The following MNAT1 variants were observed in gnomAD, a reference collection of about 807,000 sequenced individuals.
MNAT1 encodes the protein CDK-activating kinase assembly factor MAT1.
A neutral mutation model predicts 42.0 loss-of-function variants in MNAT1; 43 were observed. The ratio of observed to expected loss-of-function variants is 1.02; its 90% CI spans 0.80 to 1.32. The LOEUF (loss-of-function observed/expected upper bound fraction) is 1.32. MNAT1 is among the 40% of genes most tolerant of loss of function. The pLI is 0.00. For synonymous variants in MNAT1, 118 were observed against 120.0 expected (o/e 0.98, Z 0.11); for missense variants, 306 against 350.4 (o/e 0.87, Z 1.01).
At chr14:60,743,957 C>A (rs1385055555) in intron 1 of MNAT1, among the ~76,000 whole-genome samples, 2 of 151,962 alleles carry the variant, frequency 1.3e-5, no homozygotes, top group Admixed American at 6.6e-5. Flanking sequence ...TTTCATTTCT[C>A]TGATATTTCC....
chr14:60,815,148 AT>A (rs770343357), intron 5 of MNAT1, among the ~76,000 whole-genome samples: 42 of 152,134 alleles, frequency 2.8e-4, no homozygotes, highest in Non-Finnish European at 5.0e-4. Context: ...GTTCCATCTA[AT>A]AAAAAAAGTT....
chr14:60,806,644 A>G (rs2032377441), intron 3 of MNAT1, among the ~76,000 whole-genome samples: 1 of 152,240 alleles, frequency 6.6e-6, no homozygotes, highest in Admixed American at 6.5e-5. Context: ...AGCCTGGCCA[A>G]CATGGTGAAG....
At chr14:60,923,603 A>T (rs1235389084) in intron 7 of MNAT1, among the ~76,000 whole-genome samples, 5 of 152,112 alleles carry the variant, frequency 3.3e-5, no homozygotes, top group Non-Finnish European at 1.5e-5. Flanking sequence ...GTCAGTTTTC[A>T]TTTGTTGTTT....
chr14:60,903,455 A>G (rs992219698), intron 7 of MNAT1, among the ~76,000 whole-genome samples: 4 of 152,216 alleles, frequency 2.6e-5, no homozygotes, highest in African/African-American at 9.6e-5. Context: ...GCAATCTATA[A>G]TACTTTAAAA....
intron 1 of MNAT1, among the ~76,000 whole-genome samples, chr14:60,752,422 G>GA (rs1397782762): frequency 5.3e-5 from 8 of 151,860 alleles, no homozygotes; most frequent in African/African-American, 1.9e-4. Context: ...ATGTTTTATT[G>GA]AAAAAATGCC....
intron 1 of MNAT1, among the ~76,000 whole-genome samples, chr14:60,750,653 A>AG (rs939148097): frequency 3.2e-4 from 49 of 151,912 alleles, no homozygotes; most frequent in African/African-American, 1.1e-3. Context: ...TTTTAAAAAA[A>AG]TTACTATTTG....
At chr14:60,769,970 C>T (rs2030990425) in intron 1 of MNAT1, among the ~76,000 whole-genome samples, 1 of 152,238 alleles carries the variant, frequency 6.6e-6, no homozygotes, top group East Asian at 1.9e-4. Context: ...TGGCCACCAT[C>T]TTTACCTTTA....
chr14:60,862,682 A>C (rs1025449617), intron 6 of MNAT1, among the ~76,000 whole-genome samples: 1 of 152,210 alleles, frequency 6.6e-6, no homozygotes, highest in African/African-American at 2.4e-5. Flanking sequence ...TTAACTTAAA[A>C]CATTAAAAAG....
chr14:60,945,405 CTTTG>C (rs1311082271), intron 7 of MNAT1, among the ~76,000 whole-genome samples: 4 of 151,750 alleles, frequency 2.6e-5, no homozygotes, highest in Admixed American at 2.6e-4. Flanking sequence ...TATCTATTTT[CTTTG>C]TTTTTCTTTG....
chr14:60,947,258 C>T (rs1403309994), intron 7 of MNAT1, among the ~76,000 whole-genome samples: 4 of 152,068 alleles, frequency 2.6e-5, no homozygotes, highest in African/African-American at 9.7e-5. Flanking sequence ...AAAAGCAGAA[C>T]TACTCCATTA....
intron 6 of MNAT1, among the ~76,000 whole-genome samples, chr14:60,873,243 A>G (rs1446642109): frequency 6.6e-6 from 1 of 151,746 alleles, no homozygotes; most frequent in Non-Finnish European, 1.5e-5. Flanking sequence ...TTCTCGTGAC[A>G]TTGACCTACT....
chr14:60,797,281 T>G (rs2032049489), intron 2 of MNAT1, among the ~76,000 whole-genome samples: 1 of 152,176 alleles, frequency 6.6e-6, no homozygotes, highest in Non-Finnish European at 1.5e-5. Context: ...TTTTGATCTT[T>G]CATTGGTAAT....
intron 1 of MNAT1, among the ~76,000 whole-genome samples, chr14:60,760,568 A>C (rs2030560064): frequency 1.3e-5 from 2 of 152,252 alleles, no homozygotes; most frequent in Non-Finnish European, 2.9e-5. Context: ...AAGCAAACAC[A>C]CAGGTTAAAG....
chr14:60,890,276 C>G (rs1049084729), intron 7 of MNAT1, among the ~76,000 whole-genome samples: 21 of 152,114 alleles, frequency 1.4e-4, no homozygotes, highest in African/African-American at 4.3e-4. Context: ...GTTAAACCAA[C>G]CTTGCATCCC....
intron 1 of MNAT1, among the ~76,000 whole-genome samples, chr14:60,772,399 A>G (rs944169733): frequency 6.6e-6 from 1 of 152,240 alleles, no homozygotes; most frequent in African/African-American, 2.4e-5. Context: ...AGCCTGACCA[A>G]CATGGTAAAA....
intron 1 of MNAT1, among the ~76,000 whole-genome samples, chr14:60,794,737 T>G (rs1244499377): frequency 1.3e-5 from 2 of 149,498 alleles, no homozygotes; most frequent in Non-Finnish European, 3.0e-5. Context: ...TATGTATATA[T>G]TTAAAGATCA....
intron 6 of MNAT1, among the ~76,000 whole-genome samples, chr14:60,855,308 C>T (rs1271529334): frequency 6.6e-6 from 1 of 151,932 alleles, no homozygotes; most frequent in Admixed American, 6.6e-5. Flanking sequence ...AGCCCCCTTT[C>T]CAGGGGAGTG....
chr14:60,857,349 A>G (rs1017575414), intron 6 of MNAT1, among the ~76,000 whole-genome samples: 1 of 151,564 alleles, frequency 6.6e-6, no homozygotes, highest in Admixed American at 6.6e-5. Flanking sequence ...CAGATGTGGT[A>G]GAAACAATAA....
At position 60,734,880 on chromosome 14, in the gene MNAT1, C is replaced by T. The variant is rs776276496; in HGVS notation, c.18C>T (p.Cys6=). MDDQG[C]PRCKTTKYRN... is the part of the protein sequence containing the mutation. ...AAACCGCCATGGACGATCAGGGTTG[C>T]CCTCGGTGTAAGACCACCAAATATC... The change falls in exon 1 of 8, where the codon TGC becomes TGT. Residue 6 remains cysteine, a synonymous_variant. Transcript: ENST00000261245. The surrounding 1 kb of genome is among the most constrained non-coding windows in gnomAD (Gnocchi z 4.3). 2 of 1,614,076 alleles carry T rather than the reference C, an allele frequency of 1.2e-6. No homozygotes were observed. The highest frequency in any genetic ancestry group is 1.1e-5 in the South Asian group (1 of 91,072).
Sources: gnomAD v4.1 joint callset for allele counts (sites outside exome capture counted in the v4.1 genomes callset) on GRCh38, gnomAD v4.1.1 for gene constraint, Gnocchi (gnomAD v3.1) non-coding constraint, MANE v1.5 for transcripts, NCBI Gene and HGNC (gene_info 2026-07-23, HGNC 2026-07-21) for gene names.